The following AKAP13 variants were observed in gnomAD, a reference collection of about 807,000 sequenced individuals.
AKAP13 encodes the protein A-kinase anchoring protein 13.
Under a neutral mutation model 264.5 loss-of-function variants are expected in AKAP13, and 80 were observed. The ratio of observed to expected loss-of-function variants is 0.30; its 90% CI spans 0.25 to 0.36. The LOEUF (loss-of-function observed/expected upper bound fraction) is 0.36. AKAP13 is among the 10% of genes least tolerant of loss of function. The probability of loss-of-function intolerance (pLI) is 1.00; values close to 1 mark genes in which losing one functional copy is unlikely to be tolerated. For synonymous variants in AKAP13, 1,380 were observed against 1,250.2 expected (o/e 1.10, Z -2.19); for missense variants, 3,712 against 3,435.2 (o/e 1.08, Z -2.01).
chr15:85,620,522 A>T (rs931127261), intron 8 of AKAP13, among the ~76,000 whole-genome samples: 1 of 149,310 alleles, frequency 6.7e-6, no homozygotes, highest in African/African-American at 2.5e-5. Flanking sequence ...CCGCCCCCAG[A>T]CTCCACCCCC....
At chr15:85,541,367 A>G (rs1047257325) in intron 4 of AKAP13, among the ~76,000 whole-genome samples, 4 of 152,254 alleles carry the variant, frequency 2.6e-5, no homozygotes, top group Non-Finnish European at 4.4e-5. Context: ...ATAGAAAAAC[A>G]TTAATTGTAG....
Position 85,684,793 on chromosome 15 carries a change from T to G in AKAP13, c.5209T>G (p.Ser1737Ala). ...GCCACATAGCCCCTCCAAGAAAGAT[T>G]CTGAATGGAAGAGTGGAACAAAAGT... is the stretch of plus-strand genomic sequence containing the variant. ...FLPHSPSKKD[S>A]EWKSGTKVSR... The change falls in exon 16 of 37, where the codon TCT becomes GCT. Residue 1737 changes from serine to alanine, a missense_variant. Ser to Ala is a moderately conservative substitution (Grantham distance 99). Around this residue, in one of 3 missense-constraint regions of AKAP13, gnomAD observed 2,759 missense variants for 2,411.7 expected, o/e 1.14. Transcript: ENST00000394518. 2 of 1,613,830 alleles carry G rather than the reference T, an allele frequency of 1.2e-6. No homozygotes were observed. The highest frequency in any genetic ancestry group is 1.7e-6 in the Non-Finnish European group (2 of 1,179,968).
In AKAP13 at chr15:85,507,940, A is replaced by G. The variant is rs573974690; in HGVS notation, c.34-13488A>G. 3.9e-5 allele frequency among the ~76,000 whole-genome samples: 6 copies of G among 152,336 alleles called. No homozygotes were observed. The South Asian group carries it at 1.2e-3, about 32-fold the overall frequency. ...TGAGGGCGTGGCAGGAATGGGGGCC[A>G]TGGATCCTGGCAAGGATATATTCCT... is the stretch of plus-strand genomic sequence containing the variant. On this transcript the variant is annotated intron_variant, in intron 2 of 36. Transcript: ENST00000394518.
At chr15:85,608,748 C>T (rs1357966014) in intron 8 of AKAP13, among the ~76,000 whole-genome samples, 1 of 152,132 alleles carries the variant, frequency 6.6e-6, no homozygotes. Context: ...GATTGTGGAA[C>T]CTTGATACAC....
Position 85,730,547 on chromosome 15 carries a change from C to T in AKAP13, c.7122C>T (p.Leu2374=). 1 of 1,614,104 alleles carries T rather than the reference C, an allele frequency of 6.2e-7. No homozygotes were observed. The highest frequency in any genetic ancestry group is 8.5e-7 in the Non-Finnish European group (1 of 1,180,010). The change falls in exon 30 of 37, where the codon CTC becomes CTT. Residue 2374 remains leucine (L), a synonymous_variant. Coordinates refer to ENST00000394518, the MANE Select transcript of AKAP13 (RefSeq NM_007200.5). The stretch of plus-strand genomic sequence containing the variant: ...ACCAGAAGGACCAAAAAATCCTACT[C>T]TTGTTGGAAGAGAAGGAGATGATTT... ...QLHQKDQKIL[L]LLEEKEMIFR...
intron 2 of AKAP13, among the ~76,000 whole-genome samples, chr15:85,502,144 A>C (rs1231191017): frequency 6.6e-6 from 1 of 152,204 alleles, no homozygotes; most frequent in Non-Finnish European, 1.5e-5. Flanking sequence ...GTAAGTTCCC[A>C]GGTGATCCAA....
At chr15:85,388,034 A>AT (rs1379852678) in intron 1 of AKAP13, among the ~76,000 whole-genome samples, 2 of 102,248 alleles carry the variant, frequency 2.0e-5, no homozygotes, top group Non-Finnish European at 3.9e-5. Flanking sequence ...GTATACTTTC[A>AT]TTTCCTTTTT....
At chr15:85,670,093 T>A (rs1399243565) in intron 14 of AKAP13, among the ~76,000 whole-genome samples, 1 of 152,216 alleles carries the variant, frequency 6.6e-6, no homozygotes, top group Non-Finnish European at 1.5e-5. Context: ...AATTTTTTTA[T>A]TTTGAAATAA....
chr15:85,668,932 G>T (rs371619821), intron 13 of AKAP13, among the ~76,000 whole-genome samples: 1 of 152,066 alleles, frequency 6.6e-6, no homozygotes, highest in Non-Finnish European at 1.5e-5. Context: ...GACACAGTGA[G>T]ACTCTGTCTC....
intron 9 of AKAP13, among the ~76,000 whole-genome samples, chr15:85,640,020 C>A (rs140212475): frequency 6.6e-6 from 1 of 152,292 alleles, no homozygotes; most frequent in African/African-American, 2.4e-5. Flanking sequence ...CTTGAGGGTA[C>A]GATGCTCTTA....
At chr15:85,584,107 A>G (rs1047929165) in intron 7 of AKAP13, among the ~76,000 whole-genome samples, 2 of 152,186 alleles carry the variant, frequency 1.3e-5, no homozygotes, top group African/African-American at 4.8e-5. Context: ...TCTCAGAGCC[A>G]AAGGGTATTT....
Position 85,744,096 on chromosome 15 carries a change from T to G in AKAP13, c.8392+271T>G, listed in dbSNP as rs1597253922. ...CGAGGAACTGGAGCTCACCCCTCAA[T>G]GAAGTAATTCAAGTCCTCCTTGCCT... is the stretch of plus-strand genomic sequence containing the variant. On this transcript the variant is annotated intron_variant, in intron 36 of 36. Coordinates refer to ENST00000394518, the MANE Select transcript of AKAP13 (RefSeq NM_007200.5). 1.6e-5 allele frequency: 7 copies of G among 448,218 alleles called. No individual in the cohort carries two copies. In the East Asian group the frequency reaches 2.8e-4, roughly 18 times the overall value. 27.8% of individuals were successfully genotyped at this position (448,218 alleles called of 1,614,324 possible). A position where few individuals can be genotyped will look rare whatever the true frequency, so the allele number is the denominator to read the frequency against.
At chr15:85,465,152 A>AC (rs575123145) in intron 1 of AKAP13, among the ~76,000 whole-genome samples, 1 of 141,078 alleles carries the variant, frequency 7.1e-6, no homozygotes, top group African/African-American at 2.7e-5. Context: ...ACGGGGTTTC[A>AC]TGTGTTAGCC....
chr15:85,450,285 G>A (rs192709521), intron 1 of AKAP13, among the ~76,000 whole-genome samples: 1 of 151,954 alleles, frequency 6.6e-6, no homozygotes, highest in East Asian at 1.9e-4. Context: ...ACTTCTAATT[G>A]TGTTTATTTG....
chr15:85,510,995 G>A (rs8036310), intron 2 of AKAP13, among the ~76,000 whole-genome samples: 36,084 of 151,966 alleles, frequency 0.24, 4,544 homozygotes, highest in African/African-American at 0.33. Context: ...CTGGGTTCAA[G>A]GCACAGGAAT....
chr15:85,474,244 G>A (rs983467924), intron 1 of AKAP13, among the ~76,000 whole-genome samples: 2 of 152,134 alleles, frequency 1.3e-5, no homozygotes, highest in Admixed American at 1.3e-4. Context: ...CATTATTTTC[G>A]TAGTTTAAAA....
intron 1 of AKAP13, among the ~76,000 whole-genome samples, chr15:85,407,344 C>G (rs1167379838): frequency 1.3e-5 from 2 of 150,644 alleles, no homozygotes; most frequent in Non-Finnish European, 2.9e-5. Flanking sequence ...TCTCCTGTTT[C>G]AGCTTCCCGA....
At chr15:85,639,617 G>A (rs1427376299) in intron 9 of AKAP13, among the ~76,000 whole-genome samples, 168 bp downstream of exon 9, 5 of 88,472 alleles carry the variant, frequency 5.7e-5, no homozygotes, top group Admixed American at 2.2e-4. Flanking sequence ...ATGAACACAT[G>A]TAATTACCGA....
intron 8 of AKAP13, among the ~76,000 whole-genome samples, chr15:85,631,479 C>T (rs1201762076): frequency 7.4e-6 from 1 of 135,818 alleles, no homozygotes; most frequent in East Asian, 2.0e-4. Flanking sequence ...AACACACACA[C>T]ACTTTCTCTC....
Sources: gnomAD v4.1 joint callset for allele counts (sites outside exome capture counted in the v4.1 genomes callset) on GRCh38, gnomAD v4.1.1 for gene constraint, gnomAD v4.1.1 regional missense constraint, MANE v1.5 for transcripts, NCBI Gene and HGNC (gene_info 2026-07-23, HGNC 2026-07-21) for gene names.